ABTB3: variants seen among roughly 807,000 people sequenced by gnomAD.
The protein encoded by ABTB3 is ankyrin repeat and BTB domain containing 3, also known as ankyrin repeat- and BTB/POZ domain-containing protein 3.
the ABTB3 span, among the ~76,000 whole-genome samples, chr12:107,421,233 C>T: frequency 6.6e-6 from 1 of 152,150 alleles, no homozygotes. Context: ...AATTGAACAT[C>T]TCTGTAGTTT....
the ABTB3 span, among the ~76,000 whole-genome samples, chr12:107,387,952 C>CTCTTCT: frequency 1.2e-4 from 16 of 130,772 alleles, no homozygotes; most frequent in African/African-American, 4.5e-4. Flanking sequence ...CTCTTTTCTC[C>CTCTTCT]TCTTCTTCTT....
At chr12:107,596,839 A>G in the ABTB3 span, among the ~76,000 whole-genome samples, 2 of 152,140 alleles carry the variant, frequency 1.3e-5, no homozygotes, top group South Asian at 2.1e-4. Context: ...CAATAAGAAC[A>G]GAGTGTAGCT....
the ABTB3 span, among the ~76,000 whole-genome samples, chr12:107,490,158 C>G: frequency 6.6e-6 from 1 of 152,170 alleles, no homozygotes; most frequent in Non-Finnish European, 1.5e-5. Context: ...ACCCCCAATT[C>G]AAATGAATGT....
chr12:107,567,788 G>T, the ABTB3 span, among the ~76,000 whole-genome samples: 1 of 152,230 alleles, frequency 6.6e-6, no homozygotes, highest in Non-Finnish European at 1.5e-5. Flanking sequence ...CCCCTTATGA[G>T]AATCTAATGC....
At chr12:107,376,882 G>T in the ABTB3 span, among the ~76,000 whole-genome samples, 1 of 152,152 alleles carries the variant, frequency 6.6e-6, no homozygotes, top group Non-Finnish European at 1.5e-5. Flanking sequence ...GGGCCCAGAG[G>T]TATAAGGGGC....
the ABTB3 span, among the ~76,000 whole-genome samples, chr12:107,438,187 A>G: frequency 6.6e-6 from 1 of 152,106 alleles, no homozygotes; most frequent in Non-Finnish European, 1.5e-5. Flanking sequence ...GGTTACAGTC[A>G]CTGTGAACTC....
At chr12:107,642,271 T>C in the ABTB3 span, 1 of 1,070,944 alleles carries the variant, frequency 9.3e-7, no homozygotes, top group African/African-American at 1.6e-5. Flanking sequence ...GGAGAAGTCC[T>C]TGGAATGAGC....
At chr12:107,522,480 A>G in the ABTB3 span, among the ~76,000 whole-genome samples, 2 of 152,104 alleles carry the variant, frequency 1.3e-5, no homozygotes, top group East Asian at 3.8e-4. Context: ...CAATTTTAGA[A>G]CATTTTTATT....
At chr12:107,482,863 C>G in the ABTB3 span, among the ~76,000 whole-genome samples, 1 of 149,620 alleles carries the variant, frequency 6.7e-6, no homozygotes, top group Non-Finnish European at 1.5e-5. Context: ...CTTGTTCTCT[C>G]TCTCTTTCTT....
At chr12:107,420,267 T>C in the ABTB3 span, among the ~76,000 whole-genome samples, 1 of 152,286 alleles carries the variant, frequency 6.6e-6, no homozygotes, top group East Asian at 1.9e-4. Flanking sequence ...CCTTCTGCAT[T>C]CTTGGTGTAT....
the ABTB3 span, among the ~76,000 whole-genome samples, chr12:107,377,640 GGTTAGACGA>G: frequency 2.0e-5 from 3 of 152,108 alleles, no homozygotes; most frequent in Non-Finnish European, 2.9e-5. Context: ...GATGTTTTCT[GGTTAGACGA>G]ATAACTCTTT....
At chr12:107,458,097 T>C in the ABTB3 span, among the ~76,000 whole-genome samples, 1 of 152,344 alleles carries the variant, frequency 6.6e-6, no homozygotes, top group South Asian at 2.1e-4. Context: ...TCTTTGTTCT[T>C]TCTCCTCATC....
At chr12:107,653,916 C>T in the ABTB3 span, among the ~76,000 whole-genome samples, 1 of 152,198 alleles carries the variant, frequency 6.6e-6, no homozygotes, top group Non-Finnish European at 1.5e-5. Context: ...CAAACTGAAA[C>T]TGTACCCTTT....
the ABTB3 span, among the ~76,000 whole-genome samples, chr12:107,328,253 A>G: frequency 6.6e-6 from 1 of 152,254 alleles, no homozygotes; most frequent in Admixed American, 6.5e-5. Flanking sequence ...TTAAGGTGAC[A>G]TGGCTTGCAA....
the ABTB3 span, among the ~76,000 whole-genome samples, chr12:107,484,747 C>G: frequency 6.6e-6 from 1 of 152,062 alleles, no homozygotes; most frequent in South Asian, 2.1e-4. Flanking sequence ...GTTGTCAGGA[C>G]CAGGTGCTAC....
chr12:107,342,256 G>C, the ABTB3 span, among the ~76,000 whole-genome samples: 6 of 151,940 alleles, frequency 3.9e-5, no homozygotes, highest in Non-Finnish European at 8.8e-5. Context: ...CATTTTTTTG[G>C]GGGGAGGGGG....
chr12:107,543,645 C>T, the ABTB3 span, among the ~76,000 whole-genome samples: 35 of 152,136 alleles, frequency 2.3e-4, no homozygotes, highest in South Asian at 2.3e-3. Context: ...AGGAACGGGA[C>T]GCAAAGGGCT....
chr12:107,655,646 G>A, the ABTB3 span, among the ~76,000 whole-genome samples: 1 of 152,194 alleles, frequency 6.6e-6, no homozygotes, highest in Non-Finnish European at 1.5e-5. Flanking sequence ...CAGGACCTCC[G>A]CAACGTTACC....
At chr12:107,573,172 A>G in the ABTB3 span, among the ~76,000 whole-genome samples, 2 of 152,202 alleles carry the variant, frequency 1.3e-5, no homozygotes, top group Non-Finnish European at 2.9e-5. Context: ...TGTATTGTGC[A>G]TAATCAGGGT....
Sources: allele counts gnomAD v4.1 joint callset (sites outside exome capture counted in the v4.1 genomes callset), GRCh38; gene constraint gnomAD v4.1.1; transcripts MANE v1.5; gene names NCBI Gene and HGNC (gene_info 2026-07-23, HGNC 2026-07-21).